The following FBXO25 variants were observed in gnomAD, a reference collection of about 807,000 sequenced individuals.
FBXO25 encodes F-box only protein 25.
In FBXO25, 45 loss-of-function variants were observed where a neutral mutation model predicts 51.9. The ratio of observed to expected loss-of-function variants is 0.87; its 90% CI spans 0.68 to 1.11. The LOEUF (loss-of-function observed/expected upper bound fraction) is 1.11. FBXO25 is among the 50% of genes most tolerant of loss of function. The pLI is 0.00. For missense variants in FBXO25, 507 were observed against 428.5 expected, an observed-to-expected ratio of 1.18 and a Z score of -1.62; for synonymous variants, 199 against 151.0, an observed-to-expected ratio of 1.32 and a Z score of -2.33.
At chr8:436,290 G>T (rs1798098823) in intron 5 of FBXO25, among the ~76,000 whole-genome samples, 1 of 151,988 alleles carries the variant, frequency 6.6e-6, no homozygotes, top group South Asian at 2.1e-4. Context: ...ATTACTATGT[G>T]GTTTATGCAC....
chr8:410,225 C>T (rs1796407877), intron 1 of FBXO25, among the ~76,000 whole-genome samples: 1 of 152,176 alleles, frequency 6.6e-6, no homozygotes, highest in Admixed American at 6.5e-5. Context: ...CACATATCTA[C>T]ATGTAAACAC....
rs1159937222 is a variant in FBXO25, at chr8:471,801, T to C, written c.*2997T>C. On this transcript the variant is annotated 3_prime_UTR_variant, in exon 10 of 10. Coordinates refer to ENST00000350302, the MANE Select transcript of FBXO25 (RefSeq NM_183420.2). ...CCGATTTGTAGCTGTCGTGGTTTAC[T>C]GCATGACGTACAGGCTCTCTGTATG... The C allele has an allele frequency of 1.3e-5, 2 of 152,262 alleles. No homozygotes were observed. Among genetic ancestry groups the C allele is most frequent in the Non-Finnish European group, 2.9e-5 (2 of 68,056 alleles). 9.4% of individuals were successfully genotyped at this position (152,262 alleles called of 1,614,324 possible). A position where few individuals can be genotyped will look rare whatever the true frequency, so the allele number is the denominator to read the frequency against.
At chr8:415,472 C>G (rs1004280544) in intron 2 of FBXO25, among the ~76,000 whole-genome samples, 3 of 152,126 alleles carry the variant, frequency 2.0e-5, no homozygotes, top group Non-Finnish European at 2.9e-5. Context: ...TAACCCTGAC[C>G]TAAGTAAGCC....
intron 2 of FBXO25, among the ~76,000 whole-genome samples, chr8:418,149 G>A (rs1378599321): frequency 6.6e-6 from 1 of 152,086 alleles, no homozygotes; most frequent in Non-Finnish European, 1.5e-5. Flanking sequence ...TAGGCTGCAT[G>A]TGTGTCTTCA....
intron 2 of FBXO25, among the ~76,000 whole-genome samples, chr8:427,385 C>G (rs560973144): frequency 6.6e-6 from 1 of 150,712 alleles, no homozygotes; most frequent in African/African-American, 2.5e-5. Context: ...TGTTATATGA[C>G]CTTGGCACTT....
intron 5 of FBXO25, among the ~76,000 whole-genome samples, chr8:441,473 T>A (rs1405243645): frequency 6.6e-6 from 1 of 152,176 alleles, no homozygotes; most frequent in Non-Finnish European, 1.5e-5. Flanking sequence ...ACTTGATGTC[T>A]AAAACACCAA....
chr8:407,279 G>C (rs1290708250), intron 1 of FBXO25: 10 of 898,906 alleles, frequency 1.1e-5, no homozygotes, highest in African/African-American at 1.8e-5. Flanking sequence ...GTGGGGACCG[G>C]GGGCCTCGGG....
intron 5 of FBXO25, among the ~76,000 whole-genome samples, chr8:439,789 C>T (rs1798315600): frequency 6.6e-6 from 1 of 152,126 alleles, no homozygotes; most frequent in Non-Finnish European, 1.5e-5. Flanking sequence ...GAAAGGTGGC[C>T]AGGTGCGGTG....
intron 8 of FBXO25, among the ~76,000 whole-genome samples, chr8:459,289 A>G (rs1198680577): frequency 6.6e-6 from 1 of 152,172 alleles, no homozygotes; most frequent in South Asian, 2.1e-4. Context: ...AAGACCTAGG[A>G]TGGGACTGGG....
chr8:411,909 A>G lies in FBXO25; in HGVS notation c.-7-1164A>G, dbSNP rs182867992. Among the ~76,000 whole-genome samples the G allele has an allele frequency of 2.6e-5, 4 of 152,278 alleles. No homozygotes were observed. In the East Asian group the frequency reaches 7.7e-4, roughly 29 times the overall value. The stretch of plus-strand genomic sequence containing the variant: ...AATCACCTGTGGACCTTTAAAAACT[A>G]CTTAAACTTAGCCTTCACCCCCAAA... On this transcript the variant is annotated intron_variant, in intron 1 of 9. Transcript: ENST00000350302.
At chr8:447,977 A>G (rs1321827032) in intron 5 of FBXO25, among the ~76,000 whole-genome samples, 4 of 151,362 alleles carry the variant, frequency 2.6e-5, no homozygotes, top group Non-Finnish European at 4.4e-5. Context: ...TGGGATTGGA[A>G]GGGCCCAGGA....
At chr8:438,613 T>C (rs978038796) in intron 5 of FBXO25, among the ~76,000 whole-genome samples, 1 of 152,230 alleles carries the variant, frequency 6.6e-6, no homozygotes, top group Non-Finnish European at 1.5e-5. Context: ...CCCCACCTTT[T>C]GTTCACTGTC....
At chr8:439,634 C>T (rs187125616) in intron 5 of FBXO25, among the ~76,000 whole-genome samples, 21 of 152,308 alleles carry the variant, frequency 1.4e-4, no homozygotes, top group African/African-American at 4.3e-4. Flanking sequence ...GTCGGTCTCT[C>T]TTATCTTTAT....
At chr8:408,757 C>G (rs937369458) in intron 1 of FBXO25, among the ~76,000 whole-genome samples, 41 of 152,186 alleles carry the variant, frequency 2.7e-4, no homozygotes, top group African/African-American at 8.4e-4. Flanking sequence ...AAGTATCCCA[C>G]CCACGTGTCC....
chr8:444,224 T>G (rs1798602273), intron 5 of FBXO25, among the ~76,000 whole-genome samples: 2 of 152,214 alleles, frequency 1.3e-5, no homozygotes, highest in South Asian at 4.1e-4. Flanking sequence ...GTCTGCCCAG[T>G]GAAGAATACT....
chr8:418,742 C>G (rs1455597841), intron 2 of FBXO25, among the ~76,000 whole-genome samples: 3 of 152,158 alleles, frequency 2.0e-5, no homozygotes, highest in Admixed American at 2.0e-4. Context: ...TTACAAAACA[C>G]TAGGATGCAC....
chr8:467,865 C>A, intron 9 of FBXO25: 1 of 1,584,952 alleles, frequency 6.3e-7, no homozygotes, highest in Non-Finnish European at 8.6e-7. Context: ...CTGACTTGAG[C>A]TTTCTCAGGA....
chr8:471,280 G>C lies in FBXO25; in HGVS notation c.*2476G>C, dbSNP rs1473522596. 2.0e-5 allele frequency: 3 copies of C among 152,232 alleles called. No homozygotes were observed. The highest frequency in any genetic ancestry group is 7.2e-5 in the African/African-American group (3 of 41,442). The allele number at this position is 152,232 out of a possible 1,614,324, so 9.4% of individuals were successfully genotyped here. ...TGGCTTACATTGCTGGGGAGAGATT[G>C]AAAGGTTAATGGAGGGTATAAGGAC... is the stretch of plus-strand genomic sequence containing the variant. On this transcript the variant is annotated 3_prime_UTR_variant, in exon 10 of 10. Transcript: ENST00000350302.
At position 472,073 on chromosome 8, in the gene FBXO25, C is replaced by T. The variant is rs1446035421; in HGVS notation, c.*3269C>T. 1 of 152,174 alleles carries T rather than the reference C, an allele frequency of 6.6e-6. No homozygotes were observed. Among genetic ancestry groups the T allele is most frequent in the African/African-American group, 2.4e-5 (1 of 41,428 alleles). The allele number at this position is 152,174 out of a possible 1,614,324, so 9.4% of individuals were successfully genotyped here. A position where few individuals can be genotyped will look rare whatever the true frequency, so the allele number is the denominator to read the frequency against. ...TAGATGTCCTTTATTCTTTCTTACC[C>T]CGTTTCGCTGGCTAGAATCTCTAGT... is the stretch of plus-strand genomic sequence containing the variant. On this transcript the variant is annotated 3_prime_UTR_variant, in exon 10 of 10. Coordinates refer to ENST00000350302, the MANE Select transcript of FBXO25 (RefSeq NM_183420.2).
Sources: allele counts gnomAD v4.1 joint callset (sites outside exome capture counted in the v4.1 genomes callset), GRCh38; gene constraint gnomAD v4.1.1; transcripts MANE v1.5; gene names NCBI Gene and HGNC (gene_info 2026-07-23, HGNC 2026-07-21).